The following RB1CC1 variants were observed in gnomAD, a reference collection of about 807,000 sequenced individuals.
RB1CC1 encodes RB1-inducible coiled-coil protein 1.
Under a neutral mutation model 177.5 loss-of-function variants are expected in RB1CC1, and 46 were observed. The observed-to-expected ratio is 0.26, with a 90% CI of 0.20 to 0.33. The LOEUF (loss-of-function observed/expected upper bound fraction) is 0.33. Ranked by LOEUF, RB1CC1 falls within the 10% of genes least tolerant of loss-of-function variation. The pLI, the probability that RB1CC1 is intolerant of heterozygous loss-of-function variation, is 1.00. For missense variants in RB1CC1, 1,703 were observed against 1,816.3 expected (o/e 0.94, Z 1.13); for synonymous variants, 666 against 613.6 (o/e 1.09, Z -1.26).
intron 2 of RB1CC1, chr8:52,685,934 T>C (rs1166219240): frequency 6.6e-6 from 1 of 152,310 alleles, no homozygotes; most frequent in East Asian, 1.9e-4. Context: ...AGGTTAAACT[T>C]ACTAATCGCA....
chr8:52,697,316 A>C (rs538541429), intron 1 of RB1CC1, among the ~76,000 whole-genome samples: 31 of 151,896 alleles, frequency 2.0e-4, no homozygotes, highest in African/African-American at 5.8e-4. Flanking sequence ...AAAAAAAAGA[A>C]GACTTTTTAT....
At chr8:52,683,441 T>C (rs1020483664) in intron 5 of RB1CC1, 108 bp downstream of exon 5, 2 of 1,029,276 alleles carry the variant, frequency 1.9e-6, no homozygotes, top group African/African-American at 1.7e-5. Context: ...ATTTTTAAAG[T>C]TTATTTGTCA....
At chr8:52,645,308 A>T (rs1211316685) in intron 16 of RB1CC1, among the ~76,000 whole-genome samples, 1 of 152,198 alleles carries the variant, frequency 6.6e-6, no homozygotes, top group Non-Finnish European at 1.5e-5. Context: ...GAAAAAATAA[A>T]ATCATTTTTT....
intron 1 of RB1CC1, among the ~76,000 whole-genome samples, chr8:52,704,193 T>C (rs1048713021): frequency 6.6e-6 from 1 of 152,146 alleles, no homozygotes; most frequent in African/African-American, 2.4e-5. Context: ...TTTCTCTGAA[T>C]CTCAGTTTCG....
chr8:52,688,755 T>A (rs1157604089), intron 1 of RB1CC1, among the ~76,000 whole-genome samples: 1 of 152,138 alleles, frequency 6.6e-6, no homozygotes. Flanking sequence ...AAACCCTTAA[T>A]AAAAACTTGC....
chr8:52,664,149 C>T (rs1368368304), intron 8 of RB1CC1, among the ~76,000 whole-genome samples: 2 of 152,208 alleles, frequency 1.3e-5, no homozygotes, highest in Non-Finnish European at 2.9e-5. Context: ...TTGTCTCACT[C>T]ACCATATACC....
At chr8:52,660,137 C>T (rs1048731882) in intron 12 of RB1CC1, among the ~76,000 whole-genome samples, 4 of 152,066 alleles carry the variant, frequency 2.6e-5, no homozygotes, top group South Asian at 2.1e-4. Flanking sequence ...ATCAAACTAA[C>T]GTTTAATTCC....
At position 52,668,206 on chromosome 8, in the gene RB1CC1, AAC is replaced by A. The variant is rs761387131; in HGVS notation, c.1003-17_1003-16del. ...CTTGGATCAAGCTAAATGACAAGGA[AAC>A]ACATACGAATACAATTTTCAGCAAA... On this transcript the variant is annotated splice_polypyrimidine_tract_variant and intron_variant, in intron 7 of 23. Coordinates refer to ENST00000025008, the MANE Select transcript of RB1CC1 (RefSeq NM_014781.5). 6.8e-6 allele frequency: 11 copies of A among 1,610,664 alleles called. No individual in the cohort carries two copies. In the African/African-American group the frequency reaches 1.3e-4, roughly 20 times the overall value.
chr8:52,653,465 G>C (rs1389388552), intron 15 of RB1CC1, among the ~76,000 whole-genome samples: 1 of 152,092 alleles, frequency 6.6e-6, no homozygotes, highest in East Asian at 1.9e-4. Flanking sequence ...ACCGGTTAAA[G>C]ACCTACTAAA....
At chr8:52,630,349 T>C (rs1479588458) in intron 21 of RB1CC1, 121 bp downstream of exon 21, 1 of 1,206,594 alleles carries the variant, frequency 8.3e-7, no homozygotes, top group Non-Finnish European at 1.1e-6. Context: ...TTACTACTAC[T>C]GAGTGCAAAA....
intron 1 of RB1CC1, among the ~76,000 whole-genome samples, chr8:52,691,838 T>G (rs1854890438): frequency 6.6e-6 from 1 of 152,212 alleles, no homozygotes. Flanking sequence ...TGAGGAAATG[T>G]GACGCTCATT....
chr8:52,690,406 G>A (rs1287105838), intron 1 of RB1CC1, among the ~76,000 whole-genome samples: 1 of 152,168 alleles, frequency 6.6e-6, no homozygotes, highest in Non-Finnish European at 1.5e-5. Flanking sequence ...TGTCCTCATG[G>A]AGTTCAGTCT....
intron 21 of RB1CC1, 73 bp from the exon 22 acceptor site, chr8:52,628,241 T>C (rs1475116767): frequency 5.2e-6 from 7 of 1,334,096 alleles, no homozygotes; most frequent in African/African-American, 4.5e-5. Context: ...TTAGCATATA[T>C]ACTTAATGCT....
At chr8:52,669,866 C>G (rs1591033496) in intron 7 of RB1CC1, among the ~76,000 whole-genome samples, 1 of 152,316 alleles carries the variant, frequency 6.6e-6, no homozygotes, top group South Asian at 2.1e-4. Context: ...TACAACGTAT[C>G]TGAATTTAAT....
chr8:52,712,609 C>T (rs77982461), intron 1 of RB1CC1, among the ~76,000 whole-genome samples: 6,261 of 151,554 alleles, frequency 0.041, 450 homozygotes, highest in African/African-American at 0.14. Context: ...ATCTTGATTA[C>T]CATAAAAAGT....
At chr8:52,684,798 CTA>C (rs1854104207) in intron 3 of RB1CC1, among the ~76,000 whole-genome samples, 2 of 152,186 alleles carry the variant, frequency 1.3e-5, no homozygotes, top group South Asian at 4.1e-4. Flanking sequence ...TAGCAATTGA[CTA>C]TAGGTACTTA....
intron 21 of RB1CC1, among the ~76,000 whole-genome samples, chr8:52,628,385 A>C (rs1337621377): frequency 1.3e-5 from 2 of 152,196 alleles, no homozygotes; most frequent in African/African-American, 2.4e-5. Flanking sequence ...GGGCTGTCAA[A>C]AACCAAAAAT....
At chr8:52,712,232 A>G (rs1857117314) in intron 1 of RB1CC1, among the ~76,000 whole-genome samples, 1 of 152,202 alleles carries the variant, frequency 6.6e-6, no homozygotes, top group Admixed American at 6.5e-5. Flanking sequence ...GAATGAGAAA[A>G]TTTTATCAGC....
rs1563437906 is a variant in RB1CC1 at position 52,684,025 on chromosome 8, GAAATA to G, written c.72-17_72-13del. ...TAAGGTCTGCCACACTTCAAAAAAT[GAAATA>G]AAATAAATCAGTTGTTTATATTTGC... On this transcript the variant is annotated splice_polypyrimidine_tract_variant and intron_variant, in intron 3 of 23. Coordinates refer to ENST00000025008, the MANE Select transcript of RB1CC1 (RefSeq NM_014781.5). 2.5e-6 allele frequency: 4 copies of G among 1,607,200 alleles called. No individual in the cohort carries two copies. Among genetic ancestry groups the G allele is most frequent in the South Asian group, 1.1e-5 (1 of 90,216 alleles).
Sources: allele counts gnomAD v4.1 joint callset (sites outside exome capture counted in the v4.1 genomes callset), GRCh38; gene constraint gnomAD v4.1.1; transcripts MANE v1.5; gene names NCBI Gene and HGNC (gene_info 2026-07-23, HGNC 2026-07-21).